Variants in MELK observed in about 807,000 individuals in gnomAD.
MELK encodes the protein pEg3 kinase.
In MELK, 81 loss-of-function variants were observed where a neutral mutation model predicts 85.0. That is an observed-to-expected ratio of 0.95 (90% confidence interval 0.80 to 1.15). MELK has a LOEUF of 1.15. Among genes scored for constraint, MELK ranks in the 50% most tolerant of loss-of-function variants. The pLI, the probability that MELK is intolerant of heterozygous loss-of-function variation, is 0.00. For missense variants in MELK, 754 were observed against 777.5 expected (o/e 0.97, Z 0.36); for synonymous variants, 252 against 265.0 (o/e 0.95, Z 0.48).
chr9:36,666,910 GGT>G (rs1300163753), intron 14 of MELK, among the ~76,000 whole-genome samples: 1 of 121,048 alleles, frequency 8.3e-6, no homozygotes, highest in African/African-American at 3.1e-5. Flanking sequence ...TGTGTGTGAT[GGT>G]GTGTGTGTGG....
At chr9:36,624,788 A>G (rs947962206) in intron 8 of MELK, among the ~76,000 whole-genome samples, 4 of 152,140 alleles carry the variant, frequency 2.6e-5, no homozygotes, top group Admixed American at 6.6e-5. Context: ...GAAAGGCATA[A>G]TGTCTCCTAT....
intron 4 of MELK, among the ~76,000 whole-genome samples, chr9:36,593,428 A>G (rs79140557): frequency 0.014 from 2,178 of 152,252 alleles, 48 homozygotes; most frequent in African/African-American, 0.05. Context: ...CTTCCACCAT[A>G]TGAGAATACA....
At chr9:36,658,585 T>C (rs971252065) in intron 13 of MELK, among the ~76,000 whole-genome samples, 2 of 152,244 alleles carry the variant, frequency 1.3e-5, no homozygotes, top group African/African-American at 4.8e-5. Flanking sequence ...TTTGAACATA[T>C]TTAAAAACTG....
intron 3 of MELK, among the ~76,000 whole-genome samples, chr9:36,588,278 C>T (rs549455233): frequency 6.7e-6 from 1 of 149,496 alleles, no homozygotes; most frequent in African/African-American, 2.5e-5. Context: ...CCATGTTGGC[C>T]AGGATGGTCC....
chr9:36,665,354 C>T lies in MELK; in HGVS notation c.1181C>T (p.Thr394Ile), dbSNP rs1157072746. ...GAATPRTSQFTKYWTESNGVE... is the reference protein window; with the variant it reads ...GAATPRTSQFIKYWTESNGVE... Reference sequence around the variant, plus strand: ...CTAGTAACTTTTTTTTTCCAGTTTACCAAGTACTGGACAGAATCAAATGGG... The same window carrying T: ...CTAGTAACTTTTTTTTTCCAGTTTATCAAGTACTGGACAGAATCAAATGGG... Residue 394 changes from threonine (T) to isoleucine (I), a missense_variant, in exon 14 of 18, where the codon ACC (threonine) becomes ATC (isoleucine). By Grantham distance (89) the Thr-to-Ile change is moderately conservative. Transcript: ENST00000298048. 1.3e-6 allele frequency: 2 copies of T among 1,591,216 alleles called. No individual in the cohort carries two copies. Among genetic ancestry groups the T allele is most frequent in the East Asian group, 4.5e-5 (2 of 44,594 alleles).
At chr9:36,616,032 G>A (rs1050549196) in intron 8 of MELK, among the ~76,000 whole-genome samples, 9 of 152,096 alleles carry the variant, frequency 5.9e-5, no homozygotes, top group Admixed American at 2.0e-4. Flanking sequence ...GGCCCCGCGG[G>A]GCCCGTCCGC....
At chr9:36,659,639 GTC>G (rs1831597593) in intron 13 of MELK, among the ~76,000 whole-genome samples, 1 of 152,108 alleles carries the variant, frequency 6.6e-6, no homozygotes, top group Non-Finnish European at 1.5e-5. Context: ...GAATCAATTC[GTC>G]TCTCAGTCTT....
chr9:36,636,834 T>G (rs1314135912), intron 10 of MELK, among the ~76,000 whole-genome samples: 1 of 147,634 alleles, frequency 6.8e-6, no homozygotes, highest in Non-Finnish European at 1.5e-5. Flanking sequence ...CTTTCTTGTC[T>G]TTCTTGTCTT....
intron 9 of MELK, among the ~76,000 whole-genome samples, chr9:36,631,599 A>G (rs1193239397): frequency 1.3e-5 from 2 of 151,318 alleles, no homozygotes; most frequent in East Asian, 3.9e-4. Flanking sequence ...TTTTATAGAC[A>G]GGGTTTTACT....
chr9:36,598,939 C>T (rs1053334073), intron 6 of MELK, among the ~76,000 whole-genome samples: 1 of 152,182 alleles, frequency 6.6e-6, no homozygotes, highest in African/African-American at 2.4e-5. Flanking sequence ...ATTGTGTTGG[C>T]TGCAGAAATC....
chr9:36,666,038 T>C (rs753331409), intron 14 of MELK, among the ~76,000 whole-genome samples: 4 of 152,206 alleles, frequency 2.6e-5, no homozygotes, highest in Non-Finnish European at 5.9e-5. Flanking sequence ...TGTCTGGTCC[T>C]GTTCTGCCCT....
intron 1 of MELK, among the ~76,000 whole-genome samples, chr9:36,574,185 T>C (rs547804627): frequency 4.6e-5 from 7 of 152,074 alleles, no homozygotes; most frequent in Non-Finnish European, 8.8e-5. Flanking sequence ...GTGGACCAAC[T>C]AGATGGGCAG....
chr9:36,620,619 T>G (rs1564171893), intron 8 of MELK, among the ~76,000 whole-genome samples: 3 of 150,700 alleles, frequency 2.0e-5, no homozygotes, highest in Non-Finnish European at 4.4e-5. Context: ...GCGTGATTAT[T>G]GGCTCACTGC....
chr9:36,591,523 G>A (rs910854683), intron 4 of MELK, among the ~76,000 whole-genome samples: 1 of 151,566 alleles, frequency 6.6e-6, no homozygotes, highest in African/African-American at 2.4e-5. Context: ...GCAGTGAGCT[G>A]AGATCATGCC....
At chr9:36,605,089 A>G (rs1364383845) in intron 7 of MELK, among the ~76,000 whole-genome samples, 1 of 151,184 alleles carries the variant, frequency 6.6e-6, no homozygotes, top group African/African-American at 2.4e-5. Context: ...ACAGGGTTTC[A>G]CCATGTTGGC....
chr9:36,595,881 T>G (rs1824167598), intron 5 of MELK, among the ~76,000 whole-genome samples: 2 of 152,190 alleles, frequency 1.3e-5, no homozygotes, highest in South Asian at 4.1e-4. Context: ...AGTGGCGCAA[T>G]CTTGGCTCAC....
Position 36,651,774 on chromosome 9 carries a change from A to G in MELK, c.950A>G (p.Tyr317Cys). The stretch of plus-strand genomic sequence containing the variant: ...CAGTATGATCACCTCACGGCTACCT[A>G]TCTTCTGCTTCTAGCCAAGAAGGCT... ...LWQYDHLTAT[Y>C]LLLLAKKARG... Residue 317 changes from tyrosine to cysteine, a missense_variant, in exon 12 of 18, where the codon TAT becomes TGT. Tyr to Cys is a radical substitution (Grantham distance 194). Transcript: ENST00000298048. 6.2e-7 allele frequency: 1 copy of G among 1,613,996 alleles called. No individual in the cohort carries two copies. Among genetic ancestry groups the G allele is most frequent in the Non-Finnish European group, 8.5e-7 (1 of 1,179,932 alleles).
At chr9:36,627,306 A>AG (rs1489144384) in intron 8 of MELK, among the ~76,000 whole-genome samples, 1 of 152,178 alleles carries the variant, frequency 6.6e-6, no homozygotes, top group Non-Finnish European at 1.5e-5. Flanking sequence ...ATGTTAAAGA[A>AG]GTAATGAAAG....
chr9:36,671,689 G>C (rs1254152112), intron 16 of MELK, among the ~76,000 whole-genome samples: 1 of 152,204 alleles, frequency 6.6e-6, no homozygotes, highest in Non-Finnish European at 1.5e-5. Flanking sequence ...TGCTTTAAAA[G>C]GGTTAATGTG....
Sources: gnomAD v4.1 joint callset for allele counts (sites outside exome capture counted in the v4.1 genomes callset) on GRCh38, gnomAD v4.1.1 for gene constraint, MANE v1.5 for transcripts, NCBI Gene and HGNC (gene_info 2026-07-23, HGNC 2026-07-21) for gene names.